Variants in ATAD5 observed in about 807,000 individuals in gnomAD.
ATAD5 encodes the protein ATPase family AAA domain-containing protein 5.
Under a neutral mutation model 176.9 loss-of-function variants are expected in ATAD5, and 58 were observed. That is an observed-to-expected ratio of 0.33 (90% CI 0.27 to 0.41). ATAD5 has a LOEUF of 0.41. Ranked by LOEUF, ATAD5 falls within the 10% of genes least tolerant of loss-of-function variation. The pLI is 1.00. For synonymous variants in ATAD5, 640 were observed against 712.6 expected (o/e 0.90, Z 1.62); for missense variants, 1,789 against 2,094.1 (o/e 0.85, Z 2.84).
chr17:30,879,327 G>T, intron 17 of ATAD5, 96 bp from the exon 18 acceptor site: 2 of 1,396,696 alleles, frequency 1.4e-6, no homozygotes, highest in Non-Finnish European at 9.9e-7. Flanking sequence ...GGAGGCGGGT[G>T]CTGAATATTT....
In ATAD5 at chr17:30,893,945, G is replaced by A. The variant is rs967222080; in HGVS notation, c.5092G>A (p.Asp1698Asn). 1.9e-6 allele frequency: 3 copies of A among 1,613,970 alleles called. No homozygotes were observed. The African/African-American group carries it at 4.0e-5, about 22-fold the overall frequency. ...TGATGAGTTTAGTCTTGAGAGTAATGATGGATGGACTTCTCAAAGCTCTGG... is the reference window on the plus strand; with the variant it reads ...TGATGAGTTTAGTCTTGAGAGTAATAATGGATGGACTTCTCAAAGCTCTGG... ...LCDEFSLESN[D>N]GWTSQSSGEL... The change falls in exon 21 of 23, where the codon GAT becomes AAT. Residue 1698 changes from aspartate to asparagine, a missense_variant. Transcript: ENST00000321990.
chr17:30,879,339 C>T, intron 17 of ATAD5, 84 bp from the exon 18 acceptor site: 1 of 1,491,830 alleles, frequency 6.7e-7, no homozygotes. Context: ...TGAATATTTT[C>T]ATAGAAAAGT....
chr17:30,850,857 A>T (rs1906880905), intron 6 of ATAD5, among the ~76,000 whole-genome samples: 2 of 32,238 alleles, frequency 6.2e-5, no homozygotes, highest in Admixed American at 5.0e-4. Context: ...ATATATATAT[A>T]TATATATATA....
intron 11 of ATAD5, among the ~76,000 whole-genome samples, chr17:30,866,052 A>T (rs1307378324): frequency 6.6e-6 from 1 of 152,080 alleles, no homozygotes; most frequent in Non-Finnish European, 1.5e-5. Flanking sequence ...AACAAATGGG[A>T]TCACATTACT....
At position 30,854,243 on chromosome 17, in the gene ATAD5, T is replaced by C. The variant is rs553269132; in HGVS notation, c.2451-900T>C. Among the ~76,000 whole-genome samples, 3 of 147,278 alleles carry C rather than the reference T, an allele frequency of 2.0e-5. No individual in the cohort carries two copies. In the South Asian group the frequency reaches 6.3e-4, roughly 31 times the overall value. On this transcript the variant is annotated intron_variant, in intron 6 of 22. Transcript: ENST00000321990. ...ATATAAATTATATAATTATATTTTA[T>C]AGATAAAGCTAATATTTAAGCATTT...
At chr17:30,891,665 A>C (rs1322768284) in intron 19 of ATAD5, among the ~76,000 whole-genome samples, 1 of 150,682 alleles carries the variant, frequency 6.6e-6, no homozygotes, top group Non-Finnish European at 1.5e-5. Context: ...GAGCCACTGC[A>C]CCCGGCTGAA....
In ATAD5 at chr17:30,891,433, G is replaced by A. The variant is rs182003411; in HGVS notation, c.4259-1174G>A. On this transcript the variant is annotated intron_variant, in intron 19 of 22. Coordinates refer to ENST00000321990, the MANE Select transcript of ATAD5 (RefSeq NM_024857.5). Reference sequence around the variant, plus strand: ...GTCGCCCAGGCCAGAGTACAGTGGCGTGATCTTAGTTCACTGCAGCCTCTG... The same window carrying A: ...GTCGCCCAGGCCAGAGTACAGTGGCATGATCTTAGTTCACTGCAGCCTCTG... 9.2e-5 allele frequency among the ~76,000 whole-genome samples: 14 copies of A among 152,230 alleles called. No individual in the cohort carries two copies. The East Asian group carries it at 2.1e-3, about 23-fold the overall frequency.
intron 10 of ATAD5, among the ~76,000 whole-genome samples, chr17:30,865,293 C>T (rs1439759629): frequency 6.6e-6 from 1 of 152,120 alleles, no homozygotes; most frequent in South Asian, 2.1e-4. Flanking sequence ...CTGCCTCAGC[C>T]TCCCGAGTAG....
intron 6 of ATAD5, among the ~76,000 whole-genome samples, chr17:30,845,821 T>C (rs1372771427): frequency 6.6e-6 from 1 of 152,164 alleles, no homozygotes; most frequent in Non-Finnish European, 1.5e-5. Context: ...GAATGACATA[T>C]GAAAAGATTT....
intron 11 of ATAD5, among the ~76,000 whole-genome samples, chr17:30,867,056 CTTT>C (rs60477859): frequency 1.4e-5 from 2 of 142,916 alleles, no homozygotes; most frequent in Admixed American, 7.0e-5. Flanking sequence ...TTCCTTCTTT[CTTT>C]TTTTTTTTTT....
rs546291177 is a variant in ATAD5 at position 30,839,488 on chromosome 17, G to T, written c.2077-1129G>T. Among the ~76,000 whole-genome samples, 16 of 151,598 alleles carry T rather than the reference G, an allele frequency of 1.1e-4. No homozygotes were observed. The East Asian group carries it at 2.7e-3, about 26-fold the overall frequency. On this transcript the variant is annotated intron_variant, in intron 3 of 22. Coordinates refer to ENST00000321990, the MANE Select transcript of ATAD5 (RefSeq NM_024857.5). ...GATGGGGTTTCACCGTGTTAGCCAG[G>T]ATGGTCTCCATCTCCTGACCTTGTG...
chr17:30,856,956 G>A lies in ATAD5; in HGVS notation c.2637G>A (p.Gly879=), dbSNP rs201963119. 1 of 1,577,144 alleles carries A rather than the reference G, an allele frequency of 6.3e-7. No individual in the cohort carries two copies. The highest frequency in any genetic ancestry group is 8.6e-7 in the Non-Finnish European group (1 of 1,169,112). Residue 879 remains glycine (G), a splice_region_variant and synonymous_variant, in exon 8 of 23, where the codon GGG becomes GGA. Transcript: ENST00000321990. ...RVVHVQQKDD[G]CCLWHLKPPS... ...AGATATTTGTCTATTTTTCTTTAGG[G>A]TGTTGTTTGTGGCATTTGAAACCAC...
intron 6 of ATAD5, among the ~76,000 whole-genome samples, chr17:30,850,308 C>T (rs1372030184): frequency 6.6e-6 from 1 of 151,812 alleles, no homozygotes; most frequent in African/African-American, 2.4e-5. Flanking sequence ...CCTCTCCCCT[C>T]CCCTCTCCCA....
rs1011928068 is a variant in ATAD5, at chr17:30,860,338, A to T, written c.2957-95A>T. On this transcript the variant is annotated intron_variant, in intron 9 of 22. Transcript: ENST00000321990. ...TGCACCTGGATTGCCTTTGCATTTT[A>T]AAGTTACAAGACTATTGGATACTTG... is the stretch of plus-strand genomic sequence containing the variant. The T allele has an allele frequency of 1.0e-5, 14 of 1,405,450 alleles. No homozygotes were observed. The African/African-American group carries it at 1.9e-4, about 19-fold the overall frequency. 87.1% of individuals were successfully genotyped at this position (1,405,450 alleles called of 1,614,324 possible).
chr17:30,847,532 A>G (rs1486056459), intron 6 of ATAD5, among the ~76,000 whole-genome samples: 2 of 150,968 alleles, frequency 1.3e-5, no homozygotes, highest in African/African-American at 4.9e-5. Flanking sequence ...GGGTTTCACT[A>G]TGTTGGCCAG....
At position 30,834,579 on chromosome 17, in the gene ATAD5, G is replaced by C; in HGVS notation, c.498G>C (p.Glu166Asp). The change falls in exon 2 of 23, where the codon GAG (glutamate) becomes GAC (aspartate). Residue 166 changes from glutamate to aspartate, a missense_variant. Physicochemically the swap from Glu to Asp is conservative, Grantham distance 45. Coordinates refer to ENST00000321990, the MANE Select transcript of ATAD5 (RefSeq NM_024857.5). ...TSVLRYKKQV[E>D]VLAENIQDTK... ...TTTTACGTTACAAGAAACAAGTAGA[G>C]GTACTTGCAGAAAACATTCAAGATA... 1.2e-6 allele frequency: 2 copies of C among 1,609,002 alleles called. No individual in the cohort carries two copies. The highest frequency in any genetic ancestry group is 1.7e-6 in the Non-Finnish European group (2 of 1,178,852).
chr17:30,879,290 C>A, intron 17 of ATAD5, 133 bp from the exon 18 acceptor site: 1 of 952,530 alleles, frequency 1.0e-6, no homozygotes, highest in Non-Finnish European at 1.6e-6. Context: ...TGAGCTATGA[C>A]TGCACCACAG....
At chr17:30,878,128 A>G (rs775258812) in intron 17 of ATAD5, 32 bp downstream of exon 17, 3 of 1,420,338 alleles carry the variant, frequency 2.1e-6, no homozygotes, top group Non-Finnish European at 3.0e-6. Flanking sequence ...TCAGTTAAAC[A>G]GTTACTCAAA....
chr17:30,862,403 C>A (rs2142378124), intron 10 of ATAD5, among the ~76,000 whole-genome samples: 1 of 152,054 alleles, frequency 6.6e-6, no homozygotes, highest in South Asian at 2.1e-4. Context: ...TATTTTACAC[C>A]ATGTTTTACA....
Sources: allele counts gnomAD v4.1 joint callset (sites outside exome capture counted in the v4.1 genomes callset), GRCh38; gene constraint gnomAD v4.1.1; transcripts MANE v1.5; gene names NCBI Gene and HGNC (gene_info 2026-07-23, HGNC 2026-07-21).